Variants in GABRB3 observed in about 807,000 individuals in gnomAD.
The protein encoded by GABRB3 is gamma-aminobutyric acid receptor subunit beta-3.
Under a neutral mutation model 52.1 loss-of-function variants are expected in GABRB3, and 14 were observed. That is an observed-to-expected ratio of 0.27 (90% CI 0.18 to 0.42). GABRB3 has a LOEUF of 0.42. GABRB3 is among the 10% of genes least tolerant of loss of function. GABRB3 has a pLI of 1.00. For synonymous variants in GABRB3, 260 were observed against 232.3 expected, an observed-to-expected ratio of 1.12 and a Z score of -1.08; for missense variants, 307 against 609.1, an observed-to-expected ratio of 0.50 and a Z score of 5.22.
chr15:26,563,533 C>A (rs562966024), intron 7 of GABRB3, among the ~76,000 whole-genome samples: 1 of 152,312 alleles, frequency 6.6e-6, no homozygotes, highest in Non-Finnish European at 1.5e-5. Context: ...GACCCAAAGC[C>A]CAGCTCTGCC....
chr15:26,650,961 T>C (rs1199617764), intron 3 of GABRB3, among the ~76,000 whole-genome samples: 1 of 152,130 alleles, frequency 6.6e-6, no homozygotes, highest in African/African-American at 2.4e-5. Flanking sequence ...AAGAAAGTTA[T>C]CCGGCTTCAC....
intron 3 of GABRB3, among the ~76,000 whole-genome samples, chr15:26,766,747 G>C (rs747267683): frequency 6.6e-6 from 1 of 151,484 alleles, no homozygotes; most frequent in Non-Finnish European, 1.5e-5. Flanking sequence ...TTTACATGTA[G>C]TTAATTCTTT....
chr15:26,582,191 A>T (rs770495476), intron 5 of GABRB3, among the ~76,000 whole-genome samples: 2 of 152,116 alleles, frequency 1.3e-5, no homozygotes, highest in Admixed American at 1.3e-4. Context: ...CTCATCATAC[A>T]CCACTGCCCA....
At chr15:26,732,376 C>T (rs1323164183) in intron 3 of GABRB3, among the ~76,000 whole-genome samples, 4 of 151,970 alleles carry the variant, frequency 2.6e-5, no homozygotes, top group Non-Finnish European at 5.9e-5. Context: ...ATAAACAGCA[C>T]ATCTATGAAT....
At chr15:26,550,716 C>A (rs1889430165) in intron 8 of GABRB3, among the ~76,000 whole-genome samples, 1 of 152,152 alleles carries the variant, frequency 6.6e-6, no homozygotes, top group South Asian at 2.1e-4. Flanking sequence ...CCAGAGCCTG[C>A]AGAAAGGAAA....
At chr15:26,615,930 C>T (rs1231867053) in intron 4 of GABRB3, 3 of 1,287,362 alleles carry the variant, frequency 2.3e-6, no homozygotes, top group Non-Finnish European at 3.0e-6. Flanking sequence ...TGGGCAGGAC[C>T]TTCCTCAGCA....
chr15:26,655,124 T>C (rs1383073694), intron 3 of GABRB3, among the ~76,000 whole-genome samples: 3 of 152,226 alleles, frequency 2.0e-5, no homozygotes, highest in Non-Finnish European at 4.4e-5. Flanking sequence ...TTTTGGTGAA[T>C]TGATTTACAA....
At position 26,668,331 on chromosome 15, in the gene GABRB3, A is replaced by G. The variant is rs1195407360; in HGVS notation, c.241-46797T>C. On this transcript the variant is annotated intron_variant, in intron 3 of 8. Coordinates refer to ENST00000311550, the MANE Select transcript of GABRB3 (RefSeq NM_000814.6). ...TAATGTGCTATAAAAAATTAAAAAT[A>G]TGAAAACAAGATTTGATACTATGAT... Among the ~76,000 whole-genome samples, 4 of 152,264 alleles carry G rather than the reference A, an allele frequency of 2.6e-5. No homozygotes were observed. In the East Asian group the frequency reaches 7.7e-4, roughly 29 times the overall value.
At chr15:26,578,374 A>C (rs998745578) in intron 6 of GABRB3, among the ~76,000 whole-genome samples, 1 of 152,208 alleles carries the variant, frequency 6.6e-6, no homozygotes. Flanking sequence ...ATGTGCTGGA[A>C]GGAAGACATG....
At chr15:26,682,836 T>C (rs1888280771) in intron 3 of GABRB3, among the ~76,000 whole-genome samples, 2 of 152,196 alleles carry the variant, frequency 1.3e-5, no homozygotes, top group African/African-American at 4.8e-5. Context: ...ATCACTACCC[T>C]GCAAATACAC....
intron 8 of GABRB3, among the ~76,000 whole-genome samples, chr15:26,552,226 C>G (rs1006849542): frequency 6.6e-6 from 1 of 152,126 alleles, no homozygotes; most frequent in Non-Finnish European, 1.5e-5. Context: ...AGGCTGGTCT[C>G]AAACTCCCGA....
At chr15:26,763,066 G>T (rs1484191176) in intron 3 of GABRB3, among the ~76,000 whole-genome samples, 3 of 152,188 alleles carry the variant, frequency 2.0e-5, no homozygotes, top group Non-Finnish European at 4.4e-5. Context: ...GATGCATACT[G>T]CCTTGGAAAG....
chr15:26,548,664 G>C (rs921106959), intron 8 of GABRB3, among the ~76,000 whole-genome samples: 2 of 152,106 alleles, frequency 1.3e-5, no homozygotes, highest in Admixed American at 1.3e-4. Flanking sequence ...CCCCAACTCA[G>C]GTAGGCTCTC....
intron 5 of GABRB3, among the ~76,000 whole-genome samples, chr15:26,582,862 T>C (rs763840449): frequency 1.3e-5 from 2 of 152,166 alleles, no homozygotes; most frequent in Non-Finnish European, 2.9e-5. Context: ...AGTTCTCATC[T>C]CTCATATAGG....
intron 3 of GABRB3, among the ~76,000 whole-genome samples, chr15:26,714,216 C>T (rs1449037149): frequency 6.6e-6 from 1 of 152,146 alleles, no homozygotes; most frequent in Non-Finnish European, 1.5e-5. Flanking sequence ...GCATTGGGGT[C>T]GGTGTGAGGA....
At position 26,621,164 on chromosome 15, in the gene GABRB3, G is replaced by T; in HGVS notation, c.461+150C>A. On this transcript the variant is annotated intron_variant, in intron 4 of 8. Coordinates refer to ENST00000311550, the MANE Select transcript of GABRB3 (RefSeq NM_000814.6). This position sits in a 1 kb window ranked among gnomAD's most constrained non-coding sequence, Gnocchi z 4.1. ...AATGCCCCAAATTTTATGGTTATGAGATTTTTTTTTCTGCAAAGCTTTAGT... is the reference window on the plus strand; with the variant it reads ...AATGCCCCAAATTTTATGGTTATGATATTTTTTTTTCTGCAAAGCTTTAGT... 1.6e-6 allele frequency: 1 copy of T among 635,012 alleles called. No homozygotes were observed. The highest frequency in any genetic ancestry group is 3.1e-5 in the East Asian group (1 of 32,572). The allele number at this position is 635,012 out of a possible 1,614,324, so 39.3% of individuals were successfully genotyped here.
chr15:26,715,400 A>G (rs1326855659), intron 3 of GABRB3, among the ~76,000 whole-genome samples: 11 of 152,202 alleles, frequency 7.2e-5, no homozygotes, highest in Non-Finnish European at 1.5e-4. Context: ...ATGGTGACAG[A>G]GAATTTTTCC....
intron 3 of GABRB3, among the ~76,000 whole-genome samples, chr15:26,723,785 C>T (rs1412654167): frequency 1.3e-5 from 2 of 152,192 alleles, no homozygotes; most frequent in African/African-American, 4.8e-5. Context: ...ACATTTCTCT[C>T]TGATTATCCA....
At chr15:26,608,554 G>T (rs1414185043) in intron 4 of GABRB3, among the ~76,000 whole-genome samples, 2 of 151,928 alleles carry the variant, frequency 1.3e-5, no homozygotes, top group Non-Finnish European at 2.9e-5. Flanking sequence ...ATCCATTAAG[G>T]GGTTAATATC....
Sources: allele counts gnomAD v4.1 joint callset (sites outside exome capture counted in the v4.1 genomes callset), GRCh38; gene constraint gnomAD v4.1.1; non-coding constraint Gnocchi (gnomAD v3.1); transcripts MANE v1.5; gene names NCBI Gene and HGNC (gene_info 2026-07-23, HGNC 2026-07-21).